Variants in PSMC6 observed in about 807,000 individuals in gnomAD.
PSMC6 encodes proteasome 26S subunit, ATPase 6.
A neutral mutation model predicts 55.9 loss-of-function variants in PSMC6; 3 were observed. The observed-to-expected ratio is 0.05, with a 90% CI of 0.02 to 0.14. The LOEUF is 0.14. Among genes scored for constraint, PSMC6 ranks in the 10% least tolerant of loss-of-function variants. The pLI, the probability that PSMC6 is intolerant of heterozygous loss-of-function variation, is 1.00. For synonymous variants in PSMC6, 137 were observed against 155.9 expected, an observed-to-expected ratio of 0.88 and a Z score of 0.90; for missense variants, 210 against 478.7, an observed-to-expected ratio of 0.44 and a Z score of 5.24.
intron 6 of PSMC6, among the ~76,000 whole-genome samples, chr14:52,712,787 T>C (rs1254996714): frequency 6.6e-6 from 1 of 152,088 alleles, no homozygotes; most frequent in Admixed American, 6.5e-5. Context: ...TGACTAATTT[T>C]TTTATTTTTT....
At chr14:52,720,367 CAAAAAAAAAAAAAA>C (rs71444775) in intron 10 of PSMC6, among the ~76,000 whole-genome samples, 5 of 41,480 alleles carry the variant, frequency 1.2e-4, no homozygotes, top group East Asian at 7.0e-4. Context: ...AACTCTGTCT[CAAAAAAAAAAAAAA>C]AAAAAAAAAA....
rs1191266784 is a variant in PSMC6, at chr14:52,711,160, T to C, written c.318T>C (p.Thr106=). Residue 106 remains threonine, a synonymous_variant, in exon 5 of 14, where the codon ACT becomes ACC. Coordinates refer to ENST00000445930, the MANE Select transcript of PSMC6 (RefSeq NM_002806.5). ...TRVALDMTTL[T]IMRYLPREVD... ...TTGCTTTGGATATGACTACACTAAC[T>C]ATCATGAGGTGGGTTTCTTATTCTA... 7.4e-6 allele frequency: 12 copies of C among 1,613,132 alleles called. No homozygotes were observed. The Admixed American group carries it at 2.0e-4, about 27-fold the overall frequency.
intron 4 of PSMC6, 129 bp downstream of exon 4, chr14:52,708,945 C>T (rs1594846573): frequency 1.5e-6 from 2 of 1,341,462 alleles, no homozygotes; most frequent in Middle Eastern, 2.4e-4. Context: ...TTTGTTCAGA[C>T]ATAGCTAGTT....
At chr14:52,719,080 A>G (rs2041861546) in intron 10 of PSMC6, 42 bp downstream of exon 10, 1 of 1,482,292 alleles carries the variant, frequency 6.7e-7, no homozygotes, top group Non-Finnish European at 9.4e-7. Flanking sequence ...ACCAATGTTT[A>G]TTAAATGAAG....
chr14:52,713,789 C>G, intron 6 of PSMC6, 92 bp from the exon 7 acceptor site: 1 of 774,792 alleles, frequency 1.3e-6, no homozygotes, highest in Non-Finnish European at 2.1e-6. Context: ...ATGATGTGTA[C>G]ACCTAACTAA....
intron 7 of PSMC6, among the ~76,000 whole-genome samples, chr14:52,714,830 C>T (rs1210720218): frequency 7.3e-6 from 1 of 136,776 alleles, no homozygotes; most frequent in Non-Finnish European, 1.5e-5. Context: ...TGCCCCACTG[C>T]ACTCCAGCCT....
At chr14:52,716,017 AT>A (rs748428781) in intron 7 of PSMC6, among the ~76,000 whole-genome samples, 7 of 152,334 alleles carry the variant, frequency 4.6e-5, no homozygotes, top group Non-Finnish European at 7.3e-5. Flanking sequence ...AAATGTCAAC[AT>A]TTGGAAGATT....
intron 7 of PSMC6, among the ~76,000 whole-genome samples, chr14:52,717,846 C>T (rs1270500786): frequency 3.3e-5 from 5 of 151,850 alleles, no homozygotes; most frequent in South Asian, 2.1e-4. Flanking sequence ...AGAGAGACCC[C>T]GTCTCTGAAA....
At position 52,711,155 on chromosome 14, in the gene PSMC6, C is replaced by T; in HGVS notation, c.313C>T (p.Leu105=). The T allele has an allele frequency of 6.2e-7, 1 of 1,613,546 alleles. No homozygotes were observed. Among genetic ancestry groups the T allele is most frequent in the Non-Finnish European group, 8.5e-7 (1 of 1,179,568 alleles). The change falls in exon 5 of 14, where the codon CTA becomes TTA. Residue 105 remains leucine (L), a synonymous_variant. Transcript: ENST00000445930. ...GTRVALDMTT[L]TIMRYLPREV... Reference sequence around the variant, plus strand: ...AAGAGTTGCTTTGGATATGACTACACTAACTATCATGAGGTGGGTTTCTTA... The same window carrying T: ...AAGAGTTGCTTTGGATATGACTACATTAACTATCATGAGGTGGGTTTCTTA...
Position 52,711,534 on chromosome 14 carries a change from G to A in PSMC6, c.441+10G>A, listed in dbSNP as rs2041772538. On this transcript the variant is annotated intron_variant, in intron 6 of 13. Coordinates refer to ENST00000445930, the MANE Select transcript of PSMC6 (RefSeq NM_002806.5). ...CCGGGAATTAAGAGAGGTTGGTACTGTGTGCCTTGTTCTCTGAACTTAGCT... is the reference window on the plus strand; with the variant it reads ...CCGGGAATTAAGAGAGGTTGGTACTATGTGCCTTGTTCTCTGAACTTAGCT... 1 of 1,552,608 alleles carries A rather than the reference G, an allele frequency of 6.4e-7. No individual in the cohort carries two copies. Among genetic ancestry groups the A allele is most frequent in the Non-Finnish European group, 8.9e-7 (1 of 1,128,986 alleles).
At position 52,708,860 on chromosome 14, in the gene PSMC6, G is replaced by C. The variant is rs199702151; in HGVS notation, c.258+44G>C. On this transcript the variant is annotated intron_variant, in intron 4 of 13. Coordinates refer to ENST00000445930, the MANE Select transcript of PSMC6 (RefSeq NM_002806.5). The stretch of plus-strand genomic sequence containing the variant: ...ATAGTGCCTGATGATTGACAAAGCA[G>C]TTTCATGTAAGTTATTGTCTCTAAT... 1.4e-5 allele frequency: 23 copies of C among 1,602,980 alleles called. No individual in the cohort carries two copies. In the East Asian group the frequency reaches 4.7e-4, roughly 33 times the overall value.
At position 52,708,346 on chromosome 14, in the gene PSMC6, A is replaced by G. The variant is rs747507539; in HGVS notation, c.123A>G (p.Glu41=). 1 of 1,613,322 alleles carries G rather than the reference A, an allele frequency of 6.2e-7. No individual in the cohort carries two copies. Among genetic ancestry groups the G allele is most frequent in the Admixed American group, 1.7e-5 (1 of 60,026 alleles). ...EQLKELTKQY[E]KSENDLKALQ... ...TAAAAGAACTTACCAAGCAGTATGA[A>G]AAGTCTGAAAATGATCTGAAGGCCC... The change falls in exon 2 of 14, where the codon GAA becomes GAG. Residue 41 remains glutamate (E), a synonymous_variant. Coordinates refer to ENST00000445930, the MANE Select transcript of PSMC6 (RefSeq NM_002806.5).
rs1880508334 is a variant in PSMC6 at position 52,728,386 on chromosome 14, T to A, written c.*769T>A. The A allele has an allele frequency of 6.6e-6, 1 of 152,214 alleles. No individual in the cohort carries two copies. The highest frequency in any genetic ancestry group is 6.5e-5 in the Admixed American group (1 of 15,282). 9.4% of individuals were successfully genotyped at this position (152,214 alleles called of 1,614,324 possible). On this transcript the variant is annotated 3_prime_UTR_variant, in exon 14 of 14. Transcript: ENST00000445930. ...GTCTGGACCCTCTTCCAGGAAAAAT[T>A]CTAACATACAATTTTGCGTATACTA...
intron 7 of PSMC6, among the ~76,000 whole-genome samples, chr14:52,716,515 A>G (rs2041831385): frequency 6.6e-6 from 1 of 152,210 alleles, no homozygotes; most frequent in Admixed American, 6.5e-5. Flanking sequence ...ACACTTTGGG[A>G]GGCCGAGGCG....
At chr14:52,725,473 T>C (rs1880373756) in intron 13 of PSMC6, among the ~76,000 whole-genome samples, 1 of 152,244 alleles carries the variant, frequency 6.6e-6, no homozygotes. Context: ...TTGATTCAAC[T>C]ACAGTTGCCC....
chr14:52,714,888 AT>A lies in PSMC6; in HGVS notation c.529+927del, dbSNP rs67830638. ...CTCAAAAAAAAAAAAAAAAAAAAAA[AT>A]TTTTTTATATAAAGCAAATGTACCT... is the stretch of plus-strand genomic sequence containing the variant. On this transcript the variant is annotated intron_variant, in intron 7 of 13. Coordinates refer to ENST00000445930, the MANE Select transcript of PSMC6 (RefSeq NM_002806.5). 9.9e-3 allele frequency among the ~76,000 whole-genome samples: 1,413 copies of A among 142,936 alleles called. 76 individuals are homozygous for A. The highest frequency in any genetic ancestry group is 0.014 in the South Asian group (67 of 4,638). 93.8% of individuals were successfully genotyped at this position (142,936 alleles called of 152,430 possible). A position where few individuals can be genotyped will look rare whatever the true frequency, so the allele number is the denominator to read the frequency against.
intron 4 of PSMC6, 115 bp from the exon 5 acceptor site, chr14:52,710,986 T>G: frequency 1.2e-6 from 1 of 841,184 alleles, no homozygotes; most frequent in Non-Finnish European, 1.9e-6. Flanking sequence ...AATCTGATAT[T>G]TGTGTTCTCT....
intron 10 of PSMC6, among the ~76,000 whole-genome samples, chr14:52,720,244 A>AT (rs1566660440): frequency 7.8e-6 from 1 of 127,614 alleles, no homozygotes; most frequent in African/African-American, 3.0e-5. Flanking sequence ...AAAAAAAAAA[A>AT]GCAGTCCCAG....
chr14:52,723,311 T>C (rs2139857072), intron 12 of PSMC6: 1 of 152,470 alleles, frequency 6.6e-6, no homozygotes, highest in African/African-American at 2.4e-5. Flanking sequence ...GTCTTACTTC[T>C]CTTCCTATTC....
Sources: allele counts gnomAD v4.1 joint callset (sites outside exome capture counted in the v4.1 genomes callset), GRCh38; gene constraint gnomAD v4.1.1; transcripts MANE v1.5; gene names NCBI Gene and HGNC (gene_info 2026-07-23, HGNC 2026-07-21).